Variants in SLC30A7 observed in about 807,000 individuals in gnomAD.
SLC30A7 encodes the protein zinc transporter 7.
Under a neutral mutation model 46.0 loss-of-function variants are expected in SLC30A7, and 35 were observed. That is an observed-to-expected ratio of 0.76 (90% CI 0.58 to 1.01). The LOEUF (loss-of-function observed/expected upper bound fraction) is 1.01, where lower values mean the gene tolerates loss of function less well. Ranked by LOEUF, SLC30A7 falls within the 50% of genes least tolerant of loss-of-function variation. The probability of loss-of-function intolerance (pLI) is 0.00; values close to 1 mark genes in which losing one functional copy is unlikely to be tolerated. For missense variants in SLC30A7, 464 were observed against 451.1 expected (o/e 1.03, Z -0.26); for synonymous variants, 147 against 157.8 (o/e 0.93, Z 0.51).
chr1:100,932,454 T>C (rs1653718152), intron 8 of SLC30A7, among the ~76,000 whole-genome samples: 2 of 151,946 alleles, frequency 1.3e-5, no homozygotes, highest in Admixed American at 1.3e-4. Flanking sequence ...TAATATGGCC[T>C]CTTTGTGGTT....
At chr1:100,946,888 A>G (rs572853902) in intron 8 of SLC30A7, among the ~76,000 whole-genome samples, 104 of 152,292 alleles carry the variant, frequency 6.8e-4, no homozygotes, top group African/African-American at 2.5e-3. Context: ...TACCTCTGGT[A>G]GAATTCAGCT....
chr1:100,910,947 C>T (rs905241645), intron 3 of SLC30A7, 116 bp from the exon 4 acceptor site: 15 of 729,130 alleles, frequency 2.1e-5, no homozygotes, highest in East Asian at 2.7e-5. Flanking sequence ...ACTAGGGCTT[C>T]GCTGGCCACT....
intron 8 of SLC30A7, among the ~76,000 whole-genome samples, chr1:100,945,799 A>G (rs1369608293): frequency 6.6e-6 from 1 of 152,102 alleles, no homozygotes; most frequent in Non-Finnish European, 1.5e-5. Context: ...TGGACTTTCA[A>G]GTAGTTTTTT....
intron 7 of SLC30A7, among the ~76,000 whole-genome samples, chr1:100,919,578 T>C (rs1468911549): frequency 1.3e-5 from 2 of 152,316 alleles, no homozygotes; most frequent in East Asian, 1.9e-4. Context: ...TAACATATAA[T>C]CATGCATATA....
chr1:100,979,247 G>T lies in SLC30A7; in HGVS notation c.*4390G>T, dbSNP rs566525249. On this transcript the variant is annotated 3_prime_UTR_variant, in exon 11 of 11. Transcript: ENST00000357650. ...AAACTTTTTTTTTCCTTTCATCACC[G>T]TCTTTGAAACAAATTATTTTCCAAT... The T allele has an allele frequency of 6.7e-6, 1 of 150,092 alleles. No homozygotes were observed. The highest frequency in any genetic ancestry group is 1.5e-5 in the Non-Finnish European group (1 of 67,626). The allele number at this position is 150,092 out of a possible 1,614,324, so 9.3% of individuals were successfully genotyped here. A position where few individuals can be genotyped will look rare whatever the true frequency, so the allele number is the denominator to read the frequency against.
the SLC30A7 span, among the ~76,000 whole-genome samples, chr1:100,992,287 T>C: frequency 5.9e-5 from 9 of 152,152 alleles, no homozygotes; most frequent in African/African-American, 2.2e-4. Context: ...AAGTATATTT[T>C]TGCAGGATAG....
At chr1:100,923,608 T>C (rs1653098876) in intron 8 of SLC30A7, among the ~76,000 whole-genome samples, 2 of 152,014 alleles carry the variant, frequency 1.3e-5, no homozygotes. Context: ...TGAAACCATG[T>C]TTCTACAAAA....
intron 2 of SLC30A7, among the ~76,000 whole-genome samples, chr1:100,900,149 C>T (rs545953507): frequency 6.6e-6 from 1 of 152,266 alleles, no homozygotes; most frequent in African/African-American, 2.4e-5. Flanking sequence ...AAACATCACA[C>T]TGGTTTTTTC....
chr1:100,909,743 A>G (rs370964835), intron 3 of SLC30A7, among the ~76,000 whole-genome samples: 1 of 152,298 alleles, frequency 6.6e-6, no homozygotes, highest in South Asian at 2.1e-4. Context: ...GGAATTAGAA[A>G]CAAAAAGATG....
intron 8 of SLC30A7, among the ~76,000 whole-genome samples, chr1:100,939,600 G>C (rs144952946): frequency 8.6e-5 from 13 of 151,738 alleles, no homozygotes; most frequent in Non-Finnish European, 2.9e-5. Flanking sequence ...ACTTTGGGAG[G>C]CCAGGGTGGG....
chr1:100,939,313 C>T (rs1557994664), intron 8 of SLC30A7, among the ~76,000 whole-genome samples: 1 of 151,958 alleles, frequency 6.6e-6, no homozygotes, highest in African/African-American at 2.4e-5. Flanking sequence ...CTATGACAGA[C>T]AATTTAGCAA....
intron 3 of SLC30A7, among the ~76,000 whole-genome samples, chr1:100,908,690 A>G (rs1651871562): frequency 6.6e-6 from 1 of 152,162 alleles, no homozygotes; most frequent in South Asian, 2.1e-4. Context: ...AGTAGCTACT[A>G]AAAGATTCTT....
downstream of SLC30A7, among the ~76,000 whole-genome samples, chr1:100,981,949 T>C (rs78862514): frequency 6.6e-5 from 10 of 152,208 alleles, no homozygotes; most frequent in African/African-American, 9.6e-5. Flanking sequence ...AACAGCCTCA[T>C]TGTGGCTCTT....
chr1:100,903,893 A>G (rs1250843887), intron 2 of SLC30A7, among the ~76,000 whole-genome samples: 1 of 152,158 alleles, frequency 6.6e-6, no homozygotes, highest in Non-Finnish European at 1.5e-5. Context: ...GCATCTAGCC[A>G]AATATTAAGA....
rs573233819 is a variant in SLC30A7 at position 100,908,119 on chromosome 1, C to T, written c.296+1154C>T. Among the ~76,000 whole-genome samples, 3 of 151,964 alleles carry T rather than the reference C, an allele frequency of 2.0e-5. No individual in the cohort carries two copies. The East Asian group carries it at 5.8e-4, about 29-fold the overall frequency. ...TTCCCTGAGCTCTCCCTTTCCGGTG[C>T]AGTTTCTCTCACTCTCTCCCTGTCC... On this transcript the variant is annotated intron_variant, in intron 3 of 10. Transcript: ENST00000357650.
intron 10 of SLC30A7, chr1:100,972,167 GAGT>G (rs1656195960): frequency 5.1e-6 from 1 of 197,558 alleles, no homozygotes. Context: ...TCATCTGTTG[GAGT>G]GTCTGTCATG....
chr1:100,912,345 A>AAAT, intron 5 of SLC30A7, 107 bp downstream of exon 5: 1 of 1,256,666 alleles, frequency 8.0e-7, no homozygotes, highest in Non-Finnish European at 1.1e-6. Flanking sequence ...ATGTCAACAG[A>AAAT]CTATGTGAAT....
intron 8 of SLC30A7, among the ~76,000 whole-genome samples, chr1:100,946,358 T>C (rs1640129869): frequency 6.6e-6 from 1 of 152,216 alleles, no homozygotes; most frequent in Admixed American, 6.5e-5. Flanking sequence ...TATCCTTGTC[T>C]TGTGCCGGTT....
rs1656731235 is a variant in SLC30A7, at chr1:100,978,900, C to T, written c.*4043C>T. On this transcript the variant is annotated 3_prime_UTR_variant, in exon 11 of 11. Transcript: ENST00000357650. ...TGGATCCTTTTATGAGTGAATTTTT[C>T]TGCTAATTGCCCAAGGCTAAATCCA... 1 of 152,172 alleles carries T rather than the reference C, an allele frequency of 6.6e-6. No homozygotes were observed. Among genetic ancestry groups the T allele is most frequent in the East Asian group, 1.9e-4 (1 of 5,180 alleles). 9.4% of individuals were successfully genotyped at this position (152,172 alleles called of 1,614,324 possible).
Sources: allele counts gnomAD v4.1 joint callset (sites outside exome capture counted in the v4.1 genomes callset), GRCh38; gene constraint gnomAD v4.1.1; transcripts MANE v1.5; gene names NCBI Gene and HGNC (gene_info 2026-07-23, HGNC 2026-07-21).